Variants in ZNF644 observed in about 807,000 individuals in gnomAD.
ZNF644 encodes zinc finger motif enhancer binding protein 2.
A neutral mutation model predicts 108.0 loss-of-function variants in ZNF644; 20 were observed. The observed-to-expected ratio is 0.19, with a 90% confidence interval of 0.13 to 0.27. The LOEUF (loss-of-function observed/expected upper bound fraction) is 0.27, where lower values mean the gene tolerates loss of function less well. Among genes scored for constraint, ZNF644 ranks in the 10% least tolerant of loss-of-function variants. The pLI is 1.00. For synonymous variants in ZNF644, 542 were observed against 539.1 expected (o/e 1.01, Z -0.08); for missense variants, 1,338 against 1,548.9 (o/e 0.86, Z 2.29).
At chr1:90,929,451 C>G (rs1286372009) in intron 4 of ZNF644, among the ~76,000 whole-genome samples, 1 of 152,180 alleles carries the variant, frequency 6.6e-6, no homozygotes, top group South Asian at 2.1e-4. Flanking sequence ...CAAGTTTGCT[C>G]ATTTGGAGTT....
chr1:91,013,885 T>A (rs556485431), intron 1 of ZNF644, among the ~76,000 whole-genome samples: 1 of 152,254 alleles, frequency 6.6e-6, no homozygotes, highest in South Asian at 2.1e-4. Context: ...AGTATTTAGA[T>A]ACTGGGTTAA....
chr1:91,008,242 G>C (rs916771508), intron 1 of ZNF644, among the ~76,000 whole-genome samples: 1 of 152,158 alleles, frequency 6.6e-6, no homozygotes, highest in Non-Finnish European at 1.5e-5. Context: ...AGAAAACTTG[G>C]ATGAGGCAAG....
chr1:90,924,058 T>C (rs568866601), intron 4 of ZNF644, among the ~76,000 whole-genome samples: 1 of 152,204 alleles, frequency 6.6e-6, no homozygotes, highest in East Asian at 1.9e-4. Context: ...ATTCTCTATG[T>C]AAATAAAGGG....
intron 1 of ZNF644, among the ~76,000 whole-genome samples, chr1:90,998,094 T>C (rs1374310666): frequency 6.6e-6 from 1 of 152,222 alleles, no homozygotes; most frequent in Non-Finnish European, 1.5e-5. Flanking sequence ...GAGGCCTGCC[T>C]GCCTCTGTAG....
intron 2 of ZNF644, among the ~76,000 whole-genome samples, chr1:90,977,426 C>G (rs535972378): frequency 6.6e-6 from 1 of 152,260 alleles, no homozygotes; most frequent in South Asian, 2.1e-4. Context: ...ATTGATGGAA[C>G]TGATGGACTT....
intron 4 of ZNF644, among the ~76,000 whole-genome samples, chr1:90,930,305 T>C (rs1421165394): frequency 6.6e-6 from 1 of 152,050 alleles, no homozygotes; most frequent in Non-Finnish European, 1.5e-5. Context: ...ACACACAAAA[T>C]TGTTCTGAAG....
rs1651522918 is a variant in ZNF644 at position 90,937,961 on chromosome 1, G to A, written c.3212C>T (p.Ala1071Val). 1 of 1,612,790 alleles carries A rather than the reference G, an allele frequency of 6.2e-7. No individual in the cohort carries two copies. Among genetic ancestry groups the A allele is most frequent in the Non-Finnish European group, 8.5e-7 (1 of 1,179,854 alleles). ...CAGAACACAGATTGGAGATTTGTGA[G>A]CATCCCATTTCGTCTTTCCAAGTCT... ...LKRLGKTKWD[A>V]HKSPICVLNE... is the part of the protein sequence containing the mutation. The change falls in exon 4 of 6, where the codon GCT becomes GTT. Residue 1071 changes from alanine (A) to valine (V), a missense_variant. By Grantham distance (64) the Ala-to-Val change is moderately conservative. Coordinates refer to ENST00000337393, the MANE Select transcript of ZNF644 (RefSeq NM_201269.3).
Position 90,937,662 on chromosome 1 carries a change from G to A in ZNF644, c.3511C>T (p.Leu1171Phe), listed in dbSNP as rs754496609. ...PSGKKNQSLTLIELLKNKRMG... is the reference protein window; with the variant it reads ...PSGKKNQSLTFIELLKNKRMG... ...CTTTTATTTTTAAGAAGTTCTATGA[G>A]TGTAAGAGACTGATTCTTTTTCCCA... is the stretch of plus-strand genomic sequence containing the variant. Residue 1171 changes from leucine (L) to phenylalanine (F), a missense_variant, in exon 4 of 6, where the codon CTC becomes TTC. Leu to Phe is a conservative substitution (Grantham distance 22). This residue lies in a region of ZNF644 where 287 missense variants were observed against 310.9 expected (regional missense o/e 0.92). Transcript: ENST00000337393. 6.2e-7 allele frequency: 1 copy of A among 1,613,800 alleles called. No individual in the cohort carries two copies. The highest frequency in any genetic ancestry group is 8.5e-7 in the Non-Finnish European group (1 of 1,179,894).
At chr1:90,925,090 T>C (rs1359348480) in intron 4 of ZNF644, among the ~76,000 whole-genome samples, 1 of 152,166 alleles carries the variant, frequency 6.6e-6, no homozygotes, top group Non-Finnish European at 1.5e-5. Context: ...AAGAAATTCA[T>C]GTTAGAGAGA....
At chr1:90,982,178 C>T in intron 2 of ZNF644, 132 bp downstream of exon 2, 1 of 701,210 alleles carries the variant, frequency 1.4e-6, no homozygotes, top group Non-Finnish European at 2.4e-6. Context: ...GTCAAAAAGT[C>T]AATTATTTGC....
intron 2 of ZNF644, among the ~76,000 whole-genome samples, chr1:90,941,903 T>G (rs1478765734): frequency 1.3e-5 from 2 of 152,202 alleles, no homozygotes; most frequent in Non-Finnish European, 2.9e-5. Flanking sequence ...TAGTCCTTTT[T>G]AAAAGACTGC....
intron 4 of ZNF644, among the ~76,000 whole-genome samples, chr1:90,929,145 C>G (rs779778554): frequency 6.6e-6 from 1 of 152,028 alleles, no homozygotes; most frequent in African/African-American, 2.4e-5. Flanking sequence ...TTTACAAGCT[C>G]TAATTCAATG....
intron 1 of ZNF644, among the ~76,000 whole-genome samples, chr1:91,017,928 C>T (rs959042917): frequency 6.6e-6 from 1 of 152,104 alleles, no homozygotes; most frequent in Non-Finnish European, 1.5e-5. Context: ...CACCACTGCA[C>T]CCGCGCCTGG....
intron 2 of ZNF644, among the ~76,000 whole-genome samples, chr1:90,945,338 C>G (rs1435117703): frequency 6.6e-6 from 1 of 151,970 alleles, no homozygotes; most frequent in Non-Finnish European, 1.5e-5. Flanking sequence ...TTTTAAAAAG[C>G]TGCAAACAGA....
chr1:90,996,915 C>T (rs1283515549), intron 1 of ZNF644, among the ~76,000 whole-genome samples: 1 of 152,136 alleles, frequency 6.6e-6, no homozygotes, highest in East Asian at 1.9e-4. Context: ...GAAGGCTCTA[C>T]TCGCAAAGCT....
chr1:90,952,565 A>G (rs546871269), intron 2 of ZNF644, among the ~76,000 whole-genome samples: 4 of 152,292 alleles, frequency 2.6e-5, no homozygotes, highest in South Asian at 2.1e-4. Context: ...ACTGTAGACC[A>G]TATGCTCTGG....
intron 2 of ZNF644, among the ~76,000 whole-genome samples, chr1:90,980,914 TCATTCAGCTCTA>T (rs1656484054): frequency 6.6e-6 from 1 of 152,154 alleles, no homozygotes; most frequent in Admixed American, 6.5e-5. Flanking sequence ...ATGTGAAAAG[TCATTCAGCTCTA>T]TACCTCAAAT....
At chr1:90,924,754 CTGTT>C (rs1396745305) in intron 4 of ZNF644, among the ~76,000 whole-genome samples, 2 of 152,018 alleles carry the variant, frequency 1.3e-5, no homozygotes, top group Non-Finnish European at 2.9e-5. Context: ...CAGATATTTT[CTGTT>C]TTAGCCAACT....
At chr1:91,015,570 TG>T (rs1357932164) in intron 1 of ZNF644, among the ~76,000 whole-genome samples, 6 of 152,168 alleles carry the variant, frequency 3.9e-5, no homozygotes, top group African/African-American at 1.4e-4. Flanking sequence ...GACAAACCAA[TG>T]CACTGGCTGG....
Sources: gnomAD v4.1 joint callset for allele counts (sites outside exome capture counted in the v4.1 genomes callset) on GRCh38, gnomAD v4.1.1 for gene constraint, gnomAD v4.1.1 regional missense constraint, MANE v1.5 for transcripts, NCBI Gene and HGNC (gene_info 2026-07-23, HGNC 2026-07-21) for gene names.